The following GRIK2 variants were observed in gnomAD, a reference collection of about 807,000 sequenced individuals.
The protein encoded by GRIK2 is glutamate ionotropic receptor kainate type subunit 2.
A neutral mutation model predicts 100.3 loss-of-function variants in GRIK2; 32 were observed. The ratio of observed to expected loss-of-function variants is 0.32; its 90% confidence interval spans 0.24 to 0.43. The LOEUF is 0.43. Among genes scored for constraint, GRIK2 ranks in the 20% least tolerant of loss-of-function variants. The pLI is 1.00. For synonymous variants in GRIK2, 417 were observed against 389.4 expected (o/e 1.07, Z -0.83); for missense variants, 843 against 1,114.9 (o/e 0.76, Z 3.47).
At chr6:101,587,116 T>G (rs1419045801) in intron 2 of GRIK2, among the ~76,000 whole-genome samples, 1 of 151,542 alleles carries the variant, frequency 6.6e-6, no homozygotes, top group Admixed American at 6.6e-5. Context: ...TAAATAAAAA[T>G]AGGGTTTTAA....
intron 2 of GRIK2, among the ~76,000 whole-genome samples, chr6:101,527,846 G>T (rs1351870214): frequency 6.6e-6 from 1 of 152,144 alleles, no homozygotes; most frequent in Non-Finnish European, 1.5e-5. Flanking sequence ...ATTTTGGCAA[G>T]AGAGAGAACT....
chr6:101,641,286 TTAAG>T (rs1003729399), intron 4 of GRIK2, among the ~76,000 whole-genome samples: 4 of 152,178 alleles, frequency 2.6e-5, no homozygotes, highest in African/African-American at 9.6e-5. Flanking sequence ...GACTTGTCAT[TTAAG>T]TATTTTTTTC....
At chr6:101,773,429 G>A (rs1469670256) in intron 7 of GRIK2, among the ~76,000 whole-genome samples, 20 of 145,456 alleles carry the variant, frequency 1.4e-4, no homozygotes, top group Non-Finnish European at 2.7e-4. Flanking sequence ...GCAGTGAGCC[G>A]AGATCGTGCC....
chr6:101,621,623 C>G (rs1221725961), intron 2 of GRIK2, among the ~76,000 whole-genome samples: 2 of 151,980 alleles, frequency 1.3e-5, no homozygotes, highest in Non-Finnish European at 2.9e-5. Flanking sequence ...CAAGACCTCT[C>G]TATACCTAGG....
intron 2 of GRIK2, among the ~76,000 whole-genome samples, chr6:101,586,161 G>A (rs889341520): frequency 6.6e-6 from 1 of 151,944 alleles, no homozygotes; most frequent in Admixed American, 6.6e-5. Flanking sequence ...CAATAGGTCA[G>A]TGTAGGGCAT....
chr6:101,949,432 A>G (rs2128478472), intron 14 of GRIK2, among the ~76,000 whole-genome samples: 1 of 152,182 alleles, frequency 6.6e-6, no homozygotes. Context: ...TTTGTTACAT[A>G]GATATACACA....
intron 4 of GRIK2, among the ~76,000 whole-genome samples, chr6:101,667,499 A>AG (rs1645550853): frequency 6.6e-6 from 1 of 152,300 alleles, no homozygotes; most frequent in South Asian, 2.1e-4. Context: ...GTTTGAGAAG[A>AG]GAAAAAAATA....
At chr6:101,795,097 C>T (rs1055581685) in intron 7 of GRIK2, among the ~76,000 whole-genome samples, 1 of 152,066 alleles carries the variant, frequency 6.6e-6, no homozygotes, top group Non-Finnish European at 1.5e-5. Flanking sequence ...AAACTCCTGA[C>T]TTCAGGTGAT....
chr6:101,448,337 C>T (rs1234879653), intron 2 of GRIK2, among the ~76,000 whole-genome samples: 2 of 151,554 alleles, frequency 1.3e-5, no homozygotes, highest in Non-Finnish European at 3.0e-5. Context: ...TTTGCAAGTA[C>T]ATTTAAGTCT....
chr6:102,031,076 TACACACAC>T (rs55900001), intron 14 of GRIK2, among the ~76,000 whole-genome samples: 3,756 of 118,358 alleles, frequency 0.032, 145 homozygotes, highest in African/African-American at 0.092. Context: ...TATTATGCAT[TACACACAC>T]ACACACACAC....
intron 2 of GRIK2, among the ~76,000 whole-genome samples, chr6:101,474,836 C>T (rs554880784): frequency 6.6e-6 from 1 of 151,650 alleles, no homozygotes; most frequent in South Asian, 2.1e-4. Context: ...ACCATAGTTC[C>T]TTTTTAAAAG....
chr6:101,876,025 G>A (rs1785813004), intron 11 of GRIK2, among the ~76,000 whole-genome samples: 1 of 151,604 alleles, frequency 6.6e-6, no homozygotes, highest in Non-Finnish European at 1.5e-5. Context: ...GTGTGTGTGT[G>A]TGTGTGTAAA....
At chr6:101,508,522 T>A (rs916551873) in intron 2 of GRIK2, among the ~76,000 whole-genome samples, 4 of 152,226 alleles carry the variant, frequency 2.6e-5, no homozygotes, top group East Asian at 1.9e-4. Context: ...TTTGTCTAAT[T>A]TCTCTTTGCT....
Position 101,697,887 on chromosome 6 carries a change from G to A in GRIK2, c.951+11534G>A, listed in dbSNP as rs779173512. On this transcript the variant is annotated intron_variant, in intron 7 of 16. Coordinates refer to ENST00000369134, the MANE Select transcript of GRIK2 (RefSeq NM_021956.5). Reference sequence around the variant, plus strand: ...TGGCACCACTTGAAGACAGTGTCTGGCCAGTAGTTGATCCTCCATAAGTGA... The same window carrying A: ...TGGCACCACTTGAAGACAGTGTCTGACCAGTAGTTGATCCTCCATAAGTGA... Among the ~76,000 whole-genome samples the A allele has an allele frequency of 5.9e-4, 90 of 152,150 alleles. 1 individual carries two copies. The highest frequency in any genetic ancestry group is 1.0e-3 in the South Asian group (5 of 4,822).
chr6:101,756,092 G>A (rs866723573), intron 7 of GRIK2, among the ~76,000 whole-genome samples: 14 of 152,122 alleles, frequency 9.2e-5, no homozygotes, highest in Non-Finnish European at 1.6e-4. Flanking sequence ...AATAACATCT[G>A]AAGCCAACAT....
chr6:101,417,211 G>A (rs554090143), intron 2 of GRIK2, among the ~76,000 whole-genome samples: 4 of 152,184 alleles, frequency 2.6e-5, no homozygotes, highest in Non-Finnish European at 4.4e-5. Flanking sequence ...GAATTGCATG[G>A]GAAAAACATG....
chr6:101,677,353 T>C (rs1340381545), intron 5 of GRIK2, among the ~76,000 whole-genome samples: 1 of 152,086 alleles, frequency 6.6e-6, no homozygotes, highest in Non-Finnish European at 1.5e-5. Flanking sequence ...GGGATTGATA[T>C]CCAACCTAAT....
chr6:101,724,767 A>G (rs1434067299), intron 7 of GRIK2, among the ~76,000 whole-genome samples: 1 of 152,032 alleles, frequency 6.6e-6, no homozygotes, highest in Non-Finnish European at 1.5e-5. Flanking sequence ...AATACTTTAA[A>G]TGATTAAGAC....
intron 14 of GRIK2, among the ~76,000 whole-genome samples, chr6:101,941,435 A>G (rs1790945638): frequency 6.6e-6 from 1 of 152,100 alleles, no homozygotes; most frequent in Non-Finnish European, 1.5e-5. Context: ...TTTTTAAGAT[A>G]TTAAACTGGT....
Sources: allele counts gnomAD v4.1 joint callset (sites outside exome capture counted in the v4.1 genomes callset), GRCh38; gene constraint gnomAD v4.1.1; transcripts MANE v1.5; gene names NCBI Gene and HGNC (gene_info 2026-07-23, HGNC 2026-07-21).